KCNH8: variants seen among roughly 807,000 people sequenced by gnomAD.
KCNH8 encodes the protein potassium voltage-gated channel subfamily H member 8, also known as voltage-gated delayed rectifier potassium channel KCNH8.
KCNH8 carries 70 observed loss-of-function variants against 103.6 expected under a neutral mutation model. The ratio of observed to expected loss-of-function variants is 0.68; its 90% confidence interval spans 0.56 to 0.82. The LOEUF is 0.82. Among genes scored for constraint, KCNH8 ranks in the 40% least tolerant of loss-of-function variants. The pLI, the probability that KCNH8 is intolerant of heterozygous loss-of-function variation, is 0.00. For missense variants in KCNH8, 1,217 were observed against 1,329.9 expected (o/e 0.92, Z 1.32); for synonymous variants, 498 against 489.4 (o/e 1.02, Z -0.23).
At chr3:19,331,292 T>A (rs1464328254) in intron 3 of KCNH8, among the ~76,000 whole-genome samples, 3 of 146,558 alleles carry the variant, frequency 2.0e-5, no homozygotes, top group African/African-American at 7.7e-5. Context: ...TTTATTGTTG[T>A]TATTATTATT....
chr3:19,295,461 A>G (rs1368934971), intron 3 of KCNH8, among the ~76,000 whole-genome samples: 1 of 152,186 alleles, frequency 6.6e-6, no homozygotes, highest in Non-Finnish European at 1.5e-5. Context: ...AGAGCCATAT[A>G]ACTTGACCGC....
intron 8 of KCNH8, among the ~76,000 whole-genome samples, chr3:19,441,997 G>A (rs890708146): frequency 2.0e-5 from 3 of 152,322 alleles, no homozygotes; most frequent in Admixed American, 6.5e-5. Flanking sequence ...AATGCTAAGT[G>A]CCACATCAGT....
chr3:19,192,004 A>G (rs1210763452), intron 1 of KCNH8, among the ~76,000 whole-genome samples: 1 of 151,122 alleles, frequency 6.6e-6, no homozygotes, highest in Non-Finnish European at 1.5e-5. Flanking sequence ...GTAGATTGGT[A>G]TCTCCTTATC....
intron 1 of KCNH8, among the ~76,000 whole-genome samples, chr3:19,202,379 G>A (rs768734024): frequency 6.6e-6 from 1 of 152,114 alleles, no homozygotes; most frequent in Non-Finnish European, 1.5e-5. Context: ...GTGCAATGAA[G>A]TCATTTCTAA....
rs74719479 is a variant in KCNH8, at chr3:19,427,995, A to G, written c.1178-10169A>G. Among the ~76,000 whole-genome samples the G allele has an allele frequency of 6.5e-3, 992 of 152,332 alleles. 9 individuals are homozygous for G. Among genetic ancestry groups the G allele is most frequent in the African/African-American group, 0.02 (822 of 41,568 alleles). ...TAATATCAAAACCTTGACTAACAAG[A>G]AGGATCAGGAGATAGAAGCATATTA... On this transcript the variant is annotated intron_variant, in intron 7 of 15. Transcript: ENST00000328405.
intron 1 of KCNH8, among the ~76,000 whole-genome samples, chr3:19,190,637 A>C (rs1451639152): frequency 6.6e-6 from 1 of 151,978 alleles, no homozygotes; most frequent in Non-Finnish European, 1.5e-5. Flanking sequence ...ATGGACAAGA[A>C]GCCTGATGGA....
intron 12 of KCNH8, among the ~76,000 whole-genome samples, chr3:19,511,061 G>C (rs1227357210): frequency 6.6e-6 from 1 of 152,042 alleles, no homozygotes; most frequent in Non-Finnish European, 1.5e-5. Flanking sequence ...TTGTTACATA[G>C]GTATACATGT....
intron 3 of KCNH8, among the ~76,000 whole-genome samples, chr3:19,336,893 A>C (rs2065591940): frequency 6.6e-6 from 1 of 152,044 alleles, no homozygotes; most frequent in African/African-American, 2.4e-5. Context: ...TGGAAAGGAA[A>C]TAAAACCTAA....
chr3:19,349,292 T>C (rs1283980034), intron 5 of KCNH8, among the ~76,000 whole-genome samples: 2 of 151,958 alleles, frequency 1.3e-5, no homozygotes, highest in Non-Finnish European at 2.9e-5. Context: ...AAAATGAAAA[T>C]GGTAGACAGA....
At chr3:19,514,768 C>CTAA (rs1468776873) in intron 13 of KCNH8, among the ~76,000 whole-genome samples, 1 of 151,584 alleles carries the variant, frequency 6.6e-6, no homozygotes, top group African/African-American at 2.4e-5. Flanking sequence ...TTCTGTGATG[C>CTAA]TAAGGGTTAA....
chr3:19,440,236 T>A (rs1190977805), intron 8 of KCNH8, among the ~76,000 whole-genome samples: 1 of 152,174 alleles, frequency 6.6e-6, no homozygotes, highest in Non-Finnish European at 1.5e-5. Context: ...TGCATGTAAT[T>A]TTTTTAAGCA....
chr3:19,414,911 C>G (rs1168072371), intron 7 of KCNH8, among the ~76,000 whole-genome samples: 11 of 151,866 alleles, frequency 7.2e-5, no homozygotes, highest in Non-Finnish European at 1.6e-4. Flanking sequence ...TAGAAACCTG[C>G]CAGAAATTAT....
rs2068761263 is a variant in KCNH8, at chr3:19,510,282, T to C, written c.2041-81T>C. On this transcript the variant is annotated intron_variant, in intron 11 of 15. Transcript: ENST00000328405. ...CCCACAAACTCTGTACATACTTCTC[T>C]TTCCTCTGCCTGCTGCATTTCACCC... 4 of 856,530 alleles carry C rather than the reference T, an allele frequency of 4.7e-6. 1 individual carries two copies. The highest frequency in any genetic ancestry group is 2.5e-5 in the East Asian group (1 of 40,196). The allele number at this position is 856,530 out of a possible 1,614,324, so 53.1% of individuals were successfully genotyped here. A position where few individuals can be genotyped will look rare whatever the true frequency, so the allele number is the denominator to read the frequency against.
At chr3:19,229,819 T>C (rs764270949) in intron 1 of KCNH8, among the ~76,000 whole-genome samples, 4 of 152,228 alleles carry the variant, frequency 2.6e-5, no homozygotes, top group Non-Finnish European at 4.4e-5. Flanking sequence ...CTCCAAACTG[T>C]TCCAACCTCT....
At chr3:19,258,947 C>CTCTCTCTCTCTCTATATATA (rs1321918245) in intron 2 of KCNH8, among the ~76,000 whole-genome samples, 1 of 24,792 alleles carries the variant, frequency 4.0e-5, no homozygotes, top group Non-Finnish European at 8.0e-5. Flanking sequence ...CTCTCTCTCT[C>CTCTCTCTCTCTCTATATATA]TATATATATA....
chr3:19,467,280 C>T (rs899550663), intron 11 of KCNH8, among the ~76,000 whole-genome samples: 20 of 148,680 alleles, frequency 1.3e-4, no homozygotes, highest in African/African-American at 4.8e-4. Flanking sequence ...TGTCTCCTTT[C>T]GCAGATTCAT....
chr3:19,416,870 A>AGCT (rs1288143733), intron 7 of KCNH8, among the ~76,000 whole-genome samples: 9 of 152,150 alleles, frequency 5.9e-5, no homozygotes, highest in African/African-American at 2.2e-4. Flanking sequence ...TGTTATTCCC[A>AGCT]TAAGCTGGTA....
chr3:19,220,590 ATT>A (rs34887096), intron 1 of KCNH8, among the ~76,000 whole-genome samples: 1 of 150,504 alleles, frequency 6.6e-6, no homozygotes, highest in African/African-American at 2.4e-5. Flanking sequence ...CATGACACTG[ATT>A]TTTTTTTTCA....
intron 3 of KCNH8, among the ~76,000 whole-genome samples, chr3:19,300,361 A>C (rs2065050615): frequency 6.6e-6 from 1 of 152,226 alleles, no homozygotes; most frequent in African/African-American, 2.4e-5. Context: ...TGTCAATTAT[A>C]GGAAGACTCA....
Sources: gnomAD v4.1 joint callset for allele counts (sites outside exome capture counted in the v4.1 genomes callset) on GRCh38, gnomAD v4.1.1 for gene constraint, MANE v1.5 for transcripts, NCBI Gene and HGNC (gene_info 2026-07-23, HGNC 2026-07-21) for gene names.